Variants in SFI1 observed in about 807,000 individuals in gnomAD.
SFI1 encodes the protein protein SFI1 homolog.
In SFI1, 195 loss-of-function variants were observed where a neutral mutation model predicts 207.5. The observed-to-expected ratio is 0.94, with a 90% CI of 0.84 to 1.06. The LOEUF (loss-of-function observed/expected upper bound fraction) is 1.06. SFI1 is among the 50% of genes least tolerant of loss of function. SFI1 has a pLI of 0.00. For synonymous variants in SFI1, 630 were observed against 598.9 expected, an observed-to-expected ratio of 1.05 and a Z score of -0.76; for missense variants, 1,634 against 1,588.0, an observed-to-expected ratio of 1.03 and a Z score of -0.49.
At chr22:31,520,100 A>G (rs923349439) in intron 2 of SFI1, among the ~76,000 whole-genome samples, 1 of 151,970 alleles carries the variant, frequency 6.6e-6, no homozygotes, top group Admixed American at 6.6e-5. Context: ...ACACAAATAC[A>G]GAAAACGGCA....
chr22:31,514,103 T>C (rs1485769614), intron 2 of SFI1, among the ~76,000 whole-genome samples: 1 of 141,814 alleles, frequency 7.1e-6, no homozygotes, highest in African/African-American at 2.7e-5. Flanking sequence ...ATTGTGCCAC[T>C]GCACTCCAGC....
At position 31,616,838 on chromosome 22, in the gene SFI1, T is replaced by C. The variant is rs1415989361; in HGVS notation, c.3394T>C (p.Phe1132Leu). The C allele has an allele frequency of 6.2e-7, 1 of 1,613,016 alleles. No individual in the cohort carries two copies. The highest frequency in any genetic ancestry group is 8.5e-7 in the Non-Finnish European group (1 of 1,179,434). The change falls in exon 30 of 33, where the codon TTC becomes CTC. Residue 1132 changes from phenylalanine (F) to leucine (L), a missense_variant. By Grantham distance (22) the Phe-to-Leu change is conservative. Transcript: ENST00000400288. ...CCCCCATCTACTCCTTCCTGGGGAC[T>C]TCTCAGCCACCAGGGCTGGGCCTGG... ...PDPHLLLPGD[F>L]SATRAGPGLS...
At chr22:31,534,522 A>G (rs148838009) in intron 4 of SFI1, among the ~76,000 whole-genome samples, 1,766 of 152,172 alleles carry the variant, frequency 0.012, 10 homozygotes, top group Middle Eastern at 0.031. Context: ...TAGGTCTGCT[A>G]GTGAGAAATT....
chr22:31,559,497 C>A (rs1388779967), intron 7 of SFI1: 5 of 514,562 alleles, frequency 9.7e-6, no homozygotes, highest in African/African-American at 9.7e-5. Context: ...CTCTAGTGAT[C>A]CCTGAAAAGT....
chr22:31,586,514 G>A (rs779472609), intron 14 of SFI1, among the ~76,000 whole-genome samples: 2 of 152,300 alleles, frequency 1.3e-5, no homozygotes, highest in South Asian at 4.2e-4. Flanking sequence ...ATGCTACAGG[G>A]CATGGCCTCT....
intron 10 of SFI1, among the ~76,000 whole-genome samples, chr22:31,576,213 C>T (rs990601722): frequency 2.6e-5 from 4 of 151,678 alleles, no homozygotes; most frequent in Non-Finnish European, 5.9e-5. Context: ...TTAGTAGAGA[C>T]GGGGTTTCGC....
chr22:31,537,375 T>G (rs1485524689), intron 4 of SFI1, among the ~76,000 whole-genome samples: 1 of 152,190 alleles, frequency 6.6e-6, no homozygotes, highest in Non-Finnish European at 1.5e-5. Flanking sequence ...TGGAAAGAAA[T>G]CTTTCTGGCC....
At chr22:31,593,864 A>T (rs2066578260) in intron 15 of SFI1, among the ~76,000 whole-genome samples, 1 of 148,592 alleles carries the variant, frequency 6.7e-6, no homozygotes, top group South Asian at 2.2e-4. Context: ...GCGTGCCTGC[A>T]ATCGCAGGCA....
intron 29 of SFI1, chr22:31,616,503 G>T: frequency 2.3e-6 from 1 of 443,164 alleles, no homozygotes; most frequent in Non-Finnish European, 4.0e-6. Flanking sequence ...GAGGCGGACT[G>T]TGGTGACACG....
At chr22:31,613,909 A>AT (rs1182999820) in intron 27 of SFI1, 54 bp downstream of exon 27, 1 of 1,528,216 alleles carries the variant, frequency 6.5e-7, no homozygotes, top group Non-Finnish European at 8.8e-7. Flanking sequence ...AAAAGGTTGG[A>AT]TGGCATAGCA....
rs377724607 is a variant in SFI1, at chr22:31,613,527, C to T, written c.2739C>T (p.Val913=). 2.1e-4 allele frequency: 337 copies of T among 1,586,852 alleles called. No individual in the cohort carries two copies. The African/African-American group carries it at 4.1e-3, about 19-fold the overall frequency. ...AGCAGCTGCAGGCCCAGCAGCAGGT[C>T]CAGGTAGGCCCAGGGCCCCTTCCTG... ...SRQQLQAQQQ[V]QAAHSLHRAV... is the part of the protein sequence containing the mutation. Residue 913 remains valine, a synonymous_variant, in exon 26 of 33, where the codon GTC becomes GTT. Coordinates refer to ENST00000400288, the MANE Select transcript of SFI1 (RefSeq NM_001007467.3).
chr22:31,604,655 A>C, intron 19 of SFI1: 1 of 586,782 alleles, frequency 1.7e-6, no homozygotes, highest in Non-Finnish European at 3.0e-6. Context: ...CTGGAGTCCC[A>C]TGGTTTGACT....
chr22:31,538,449 CTACTT>C (rs2059196506), intron 4 of SFI1: 1 of 152,760 alleles, frequency 6.5e-6, no homozygotes, highest in Admixed American at 6.6e-5. Context: ...TGATTTCTAA[CTACTT>C]TGCTGTGAAT....
chr22:31,503,075 G>T (rs1296143413), intron 1 of SFI1, among the ~76,000 whole-genome samples: 2 of 143,146 alleles, frequency 1.4e-5, no homozygotes, highest in African/African-American at 5.2e-5. Flanking sequence ...AAAAAAAAAG[G>T]TGTAACTGAG....
Position 31,546,977 on chromosome 22 carries a change from G to T in SFI1, c.449+6G>T, listed in dbSNP as rs765744832. ...CGAGCTGACTGTCACTACAGGTCAG[G>T]TTTCATGTTACACTCCTTCAGTTTT... is the stretch of plus-strand genomic sequence containing the variant. On this transcript the variant is annotated splice_donor_region_variant and intron_variant, in intron 5 of 32. Coordinates refer to ENST00000400288, the MANE Select transcript of SFI1 (RefSeq NM_001007467.3). 3 of 1,581,456 alleles carry T rather than the reference G, an allele frequency of 1.9e-6. No individual in the cohort carries two copies. Among genetic ancestry groups the T allele is most frequent in the African/African-American group, 1.4e-5 (1 of 74,072 alleles).
chr22:31,583,751 T>TA, intron 12 of SFI1, 124 bp from the exon 13 acceptor site: 1 of 791,528 alleles, frequency 1.3e-6, no homozygotes, highest in Non-Finnish European at 2.2e-6. Context: ...ATGCCCACTG[T>TA]ATGTTGGCTG....
chr22:31,497,053 T>G (rs1406996167), intron 1 of SFI1, among the ~76,000 whole-genome samples: 1 of 152,176 alleles, frequency 6.6e-6, no homozygotes, highest in Non-Finnish European at 1.5e-5. Flanking sequence ...TGGGCGACCT[T>G]ACTCCCACTG....
chr22:31,564,831 T>TTTTTTTTTTTTTA, intron 8 of SFI1, among the ~76,000 whole-genome samples: 2 of 138,838 alleles, frequency 1.4e-5, no homozygotes, highest in Middle Eastern at 4.4e-3. Context: ...TTTTTTTTTT[T>TTTTTTTTTTTTTA]GAGACGGAGT....
chr22:31,612,398 A>AAATATATATATATAT (rs1556369798), intron 24 of SFI1: 1 of 60,196 alleles, frequency 1.7e-5, no homozygotes, highest in African/African-American at 6.6e-5. Context: ...AAAAAAAAAA[A>AAATATATATATATAT]ATATATATAT....
Sources: gnomAD v4.1 joint callset for allele counts (sites outside exome capture counted in the v4.1 genomes callset) on GRCh38, gnomAD v4.1.1 for gene constraint, MANE v1.5 for transcripts, NCBI Gene and HGNC (gene_info 2026-07-23, HGNC 2026-07-21) for gene names.